Variants in NES observed in about 807,000 individuals in gnomAD.
The protein encoded by NES is nestin.
A neutral mutation model predicts 35.6 loss-of-function variants in NES; 27 were observed. The ratio of observed to expected loss-of-function variants is 0.76; its 90% confidence interval spans 0.56 to 1.04. NES has a LOEUF of 1.04. Ranked by LOEUF, NES falls within the 50% of genes least tolerant of loss-of-function variation. The probability of loss-of-function intolerance (pLI) is 0.00; values close to 1 mark genes in which losing one functional copy is unlikely to be tolerated. For missense variants in NES, 1,867 were observed against 1,983.6 expected, an observed-to-expected ratio of 0.94 and a Z score of 1.12; for synonymous variants, 822 against 824.2, an observed-to-expected ratio of 1.00 and a Z score of 0.04.
chr1:156,676,631 C>T lies in NES; in HGVS notation c.634G>A (p.Gly212Ser). ...TSLGQARERL[G>S]RAVQGAREGR... The stretch of plus-strand genomic sequence containing the variant: ...TCGCGGGCACCCTGCACCGCCCGGC[C>T]CAGCCGCTCGCGGGCCTGGCCCAGC... Residue 212 changes from glycine to serine, a missense_variant, in exon 1 of 4, where the codon GGC becomes AGC. By Grantham distance (56) the Gly-to-Ser change is moderately conservative. Transcript: ENST00000368223. The surrounding 1 kb of genome is among the most constrained non-coding windows in gnomAD (Gnocchi z 5.3). 2 of 1,537,954 alleles carry T rather than the reference C, an allele frequency of 1.3e-6. No homozygotes were observed. The highest frequency in any genetic ancestry group is 1.7e-6 in the Non-Finnish European group (2 of 1,155,056).
Position 156,671,924 on chromosome 1 carries a change from A to G in NES, c.2264T>C (p.Leu755Ser), listed in dbSNP as rs891445617. ...TTGAGTCTCTTTTTCAAGAGTTCTC[A>G]ATGTCTCTTGGTCCTGTTCTTCTAA... is the stretch of plus-strand genomic sequence containing the variant. The part of the protein sequence containing the change: ...RSLEEQDQET[L>S]RTLEKETQQR... Residue 755 changes from leucine (L) to serine (S), a missense_variant, in exon 4 of 4, where the codon TTG (leucine) becomes TCG (serine). Coordinates refer to ENST00000368223, the MANE Select transcript of NES (RefSeq NM_006617.2). 2 of 1,613,994 alleles carry G rather than the reference A, an allele frequency of 1.2e-6. No homozygotes were observed. Among genetic ancestry groups the G allele is most frequent in the Non-Finnish European group, 1.7e-6 (2 of 1,180,030 alleles).
In NES at chr1:156,669,928, C is replaced by T. The variant is rs779824568; in HGVS notation, c.4260G>A (p.Glu1420=). 1.2e-6 allele frequency: 2 copies of T among 1,613,310 alleles called. No homozygotes were observed. The highest frequency in any genetic ancestry group is 2.2e-5 in the East Asian group (1 of 44,832). The change falls in exon 4 of 4, where the codon GAG becomes GAA. Residue 1420 remains glutamate, a synonymous_variant. Transcript: ENST00000368223. The part of the protein sequence containing the change: ...DGFADEEESG[E]EGEEDQEEGR... ...CCTCCTCCTGATCCTCCTCTCCCTCCTCCCCACTTTCTTCCTCATCTGCAA... is the reference window on the plus strand; with the variant it reads ...CCTCCTCCTGATCCTCCTCTCCCTCTTCCCCACTTTCTTCCTCATCTGCAA...
Position 156,670,852 on chromosome 1 carries a change from G to A in NES, c.3336C>T (p.Gly1112=). The A allele has an allele frequency of 1.9e-6, 3 of 1,612,036 alleles. No individual in the cohort carries two copies. The highest frequency in any genetic ancestry group is 1.7e-4 in the Middle Eastern group (1 of 6,050). ...CCATCACCTCTTCCCTGGTCAGATG[G>A]CCTGGGTCCCCCAGCCCTCCCACCC... The part of the protein sequence containing the change: ...GQGVGGLGDP[G]HLTREEVMEP... Residue 1112 remains glycine (G), a synonymous_variant, in exon 4 of 4, where the codon GGC becomes GGT. Transcript: ENST00000368223.
At position 156,672,776 on chromosome 1, in the gene NES, C is replaced by A. The variant is rs140134053; in HGVS notation, c.1412G>T (p.Ser471Ile). The change falls in exon 4 of 4, where the codon AGC becomes ATC. Residue 471 changes from serine to isoleucine, a missense_variant. Physicochemically the swap from Ser to Ile is moderately radical, Grantham distance 142 (BLOSUM62 -2). Transcript: ENST00000368223. ...AGCCTCTAAACTGGAGTGGTCAGGG[C>A]TGAGGGGTGGTGCCAAGGAGGCATG... Reference protein sequence around the residue: ...EDHASLAPPLSPDHSSLEAKD... With the variant: ...EDHASLAPPLIPDHSSLEAKD... 371 of 1,613,524 alleles carry A rather than the reference C, an allele frequency of 2.3e-4. 1 individual carries two copies. The highest frequency in any genetic ancestry group is 2.0e-3 in the Middle Eastern group (12 of 6,062).
rs749896577 is a variant in NES, at chr1:156,670,330, G to A, written c.3858C>T (p.Ser1286=). 3.5e-5 allele frequency: 56 copies of A among 1,611,466 alleles called. No homozygotes were observed. The highest frequency in any genetic ancestry group is 4.5e-5 in the East Asian group (2 of 44,844). Residue 1286 remains serine, a synonymous_variant, in exon 4 of 4, where the codon AGC becomes AGT. Coordinates refer to ENST00000368223, the MANE Select transcript of NES (RefSeq NM_006617.2). ...GGGTCTCCCCGAGCTCATCCTCCTC[G>A]CTCTCTTCTCTGCTCTCCTCCCCTT... The part of the protein sequence containing the change: ...QEEGEESREE[S]EEDELGETLP...
At position 156,677,097 on chromosome 1, in the gene NES, G is replaced by C. The variant is rs1647323970; in HGVS notation, c.168C>G (p.Ala56=). 6.2e-7 allele frequency: 1 copy of C among 1,603,774 alleles called. No individual in the cohort carries two copies. The highest frequency in any genetic ancestry group is 8.5e-7 in the Non-Finnish European group (1 of 1,176,248). ...CCCGCAGGGCCGCCAGCTCGTCGTCGGCATGCGCCCGCCAGGAGGTGTCCG... is the reference window on the plus strand; with the variant it reads ...CCCGCAGGGCCGCCAGCTCGTCGTCCGCATGCGCCCGCCAGGAGGTGTCCG... The part of the protein sequence containing the change: ...QSADTSWRAH[A]DDELAALRAL... Residue 56 remains alanine, a synonymous_variant, in exon 1 of 4, where the codon GCC becomes GCG. Transcript: ENST00000368223. This position sits in a 1 kb window ranked among gnomAD's most constrained non-coding sequence, Gnocchi z 4.5.
In NES at chr1:156,671,310, C is replaced by A; in HGVS notation, c.2878G>T (p.Glu960Ter). The A allele has an allele frequency of 6.2e-7, 1 of 1,614,154 alleles. No individual in the cohort carries two copies. Among genetic ancestry groups the A allele is most frequent in the Non-Finnish European group, 8.5e-7 (1 of 1,180,032 alleles). Residue 960 changes from glutamate to a stop codon, truncating the protein, a stop_gained, in exon 4 of 4, where the codon GAA becomes TAA. Coordinates refer to ENST00000368223, the MANE Select transcript of NES (RefSeq NM_006617.2). LOFTEE classifies it low-confidence loss of function (END_TRUNC). ...CCAGGAGGGCTTTCCTGAGCCAGTT[C>A]TTGGTCCTTCTCCACCGTATCTTCC... ...RWEDTVEKDQ[E>*]LAQESPPGMA...
At position 156,672,984 on chromosome 1, in the gene NES, C is replaced by A. The variant is rs202103323; in HGVS notation, c.1204G>T (p.Asp402Tyr). The A allele has an allele frequency of 1.2e-6, 2 of 1,613,942 alleles. No homozygotes were observed. Among genetic ancestry groups the A allele is most frequent in the East Asian group, 4.5e-5 (2 of 44,866 alleles). Residue 402 changes from aspartate (D) to tyrosine (Y), a missense_variant, in exon 4 of 4, where the codon GAT (aspartate) becomes TAT (tyrosine). Asp to Tyr is a radical substitution (Grantham distance 160). Transcript: ENST00000368223. Reference sequence around the variant, plus strand: ...GCATCCTGGGCTCTGATCTCTGCATCTACAGCAGGAGAGGGTGCCTGAGGT... The same window carrying A: ...GCATCCTGGGCTCTGATCTCTGCATATACAGCAGGAGAGGGTGCCTGAGGT... Reference protein sequence around the residue: ...PTPQAPSPAVDAEIRAQDAPL... With the variant: ...PTPQAPSPAVYAEIRAQDAPL...
Position 156,671,174 on chromosome 1 carries a change from T to A in NES, c.3014A>T (p.Glu1005Val), listed in dbSNP as rs372398680. The change falls in exon 4 of 4, where the codon GAG becomes GTG. Residue 1005 changes from glutamate to valine, a missense_variant. Coordinates refer to ENST00000368223, the MANE Select transcript of NES (RefSeq NM_006617.2). ...GTGCCCCTCGCCTGGGATCCAGACC[T>A]CCTCTGTGGCATTCAGCTCTCCCTG... ...VEQGELNATE[E>V]VWIPGEGHPE... 81 of 1,613,826 alleles carry A rather than the reference T, an allele frequency of 5.0e-5. No individual in the cohort carries two copies. Among genetic ancestry groups the A allele is most frequent in the Non-Finnish European group, 6.2e-5 (73 of 1,180,008 alleles).
At position 156,670,602 on chromosome 1, in the gene NES, C is replaced by T; in HGVS notation, c.3586G>A (p.Gly1196Arg). The stretch of plus-strand genomic sequence containing the variant: ...GGCCAAGGTGAAGGGGCATCACTTC[C>T]AGTGTGGCCCAGGGTCTCAGCAGGG... Reference protein sequence around the residue: ...AFPAETLGHTGSDAPSPWPLG... With the variant: ...AFPAETLGHTRSDAPSPWPLG... The change falls in exon 4 of 4, where the codon GGA (glycine) becomes AGA (arginine). Residue 1196 changes from glycine to arginine, a missense_variant. Coordinates refer to ENST00000368223, the MANE Select transcript of NES (RefSeq NM_006617.2). 1 of 1,613,770 alleles carries T rather than the reference C, an allele frequency of 6.2e-7. No individual in the cohort carries two copies. Among genetic ancestry groups the T allele is most frequent in the South Asian group, 1.1e-5 (1 of 91,078 alleles).
chr1:156,671,661 G>C lies in NES; in HGVS notation c.2527C>G (p.Pro843Ala). 6.2e-7 allele frequency: 1 copy of C among 1,613,652 alleles called. No individual in the cohort carries two copies. Among genetic ancestry groups the C allele is most frequent in the Non-Finnish European group, 8.5e-7 (1 of 1,179,934 alleles). Residue 843 changes from proline (P) to alanine (A), a missense_variant, in exon 4 of 4, where the codon CCA becomes GCA. Coordinates refer to ENST00000368223, the MANE Select transcript of NES (RefSeq NM_006617.2). ...GQENLETLKS[P>A]ETQAPLWTPE... ...GTCCACAGTGGTGCTTGAGTTTCTG[G>C]AGATTTCAGTGTTTCCAGGTTCTCT...
In NES at chr1:156,671,327, G is replaced by A. The variant is rs143719737; in HGVS notation, c.2861C>T (p.Thr954Met). Residue 954 changes from threonine to methionine, a missense_variant, in exon 4 of 4, where the codon ACG (threonine) becomes ATG (methionine). Coordinates refer to ENST00000368223, the MANE Select transcript of NES (RefSeq NM_006617.2). ...QSADVQRWED[T>M]VEKDQELAQE... ...AGCCAGTTCTTGGTCCTTCTCCACC[G>A]TATCTTCCCACCTCTGCACATCTGC... 240 of 1,613,990 alleles carry A rather than the reference G, an allele frequency of 1.5e-4. 1 individual carries two copies. The African/African-American group carries it at 2.7e-3, about 18-fold the overall frequency.
Position 156,670,407 on chromosome 1 carries a change from T to C in NES, c.3781A>G (p.Ser1261Gly), listed in dbSNP as rs1456291621. Residue 1261 changes from serine (S) to glycine (G), a missense_variant, in exon 4 of 4, where the codon AGC (serine) becomes GGC (glycine). Ser to Gly is a moderately conservative substitution (Grantham distance 56). Transcript: ENST00000368223. ...CCAGAACCCAACTCCTCCTGCTCGC[T>C]CTCTACTTTCCCCAGGGCTTCAGCC... ...GRAEALGKVE[S>G]EQEELGSGEI... 1 of 1,577,012 alleles carries C rather than the reference T, an allele frequency of 6.3e-7. No individual in the cohort carries two copies. The highest frequency in any genetic ancestry group is 2.2e-5 in the East Asian group (1 of 44,532).
chr1:156,669,868 C>T lies in NES; in HGVS notation c.4320G>A (p.Gly1440=), dbSNP rs745630113. 1.9e-6 allele frequency: 3 copies of T among 1,613,786 alleles called. No individual in the cohort carries two copies. The highest frequency in any genetic ancestry group is 1.1e-5 in the South Asian group (1 of 91,062). Residue 1440 remains glycine (G), a synonymous_variant, in exon 4 of 4, where the codon GGG becomes GGA. Transcript: ENST00000368223. ...REPGAGRWGP[G]SSVGSLQALS... ...GGGCCTGGAGGCTGCCAACAGAAGA[C>T]CCTGGCCCCCACCGCCCAGCCCCTG... is the stretch of plus-strand genomic sequence containing the variant.
Position 156,676,144 on chromosome 1 carries a change from G to A in NES, c.783+338C>T, listed in dbSNP as rs1193732247. Among the ~76,000 whole-genome samples the A allele has an allele frequency of 2.0e-5, 3 of 152,244 alleles. No homozygotes were observed. The highest frequency in any genetic ancestry group is 4.4e-5 in the Non-Finnish European group (3 of 68,030). On this transcript the variant is annotated intron_variant, in intron 1 of 3. Transcript: ENST00000368223. The surrounding 1 kb of genome is among the most constrained non-coding windows in gnomAD (Gnocchi z 5.3). ...CCAGATTCAGCGCAGAGGCGACAGT[G>A]CTGGGTGTCCTCCTAGTAATACCAG...
chr1:156,674,799 G>A (rs948933118), intron 2 of NES, among the ~76,000 whole-genome samples: 3 of 152,216 alleles, frequency 2.0e-5, no homozygotes, highest in African/African-American at 7.2e-5. Context: ...CAGGTCAGGT[G>A]GCAAGTCAGT....
chr1:156,672,680 C>G lies in NES; in HGVS notation c.1508G>C (p.Gly503Ala). 6.2e-7 allele frequency: 1 copy of G among 1,613,862 alleles called. No homozygotes were observed. The highest frequency in any genetic ancestry group is 8.5e-7 in the Non-Finnish European group (1 of 1,180,046). The change falls in exon 4 of 4, where the codon GGG becomes GCG. Residue 503 changes from glycine (G) to alanine (A), a missense_variant. Coordinates refer to ENST00000368223, the MANE Select transcript of NES (RefSeq NM_006617.2). ...CRGEGEGQIW[G>A]LVEKETAIEG... The stretch of plus-strand genomic sequence containing the variant: ...TATGGCTGTTTCTTTCTCTACCAAC[C>G]CCCAGATTTGCCCTTCACCTTCCCC...
In NES at chr1:156,676,528, A is replaced by C; in HGVS notation, c.737T>G (p.Leu246Trp). 1 of 1,596,648 alleles carries C rather than the reference A, an allele frequency of 6.3e-7. No individual in the cohort carries two copies. The highest frequency in any genetic ancestry group is 8.5e-7 in the Non-Finnish European group (1 of 1,178,892). Residue 246 changes from leucine (L) to tryptophan (W), a missense_variant, in exon 1 of 4, where the codon TTG becomes TGG. Coordinates refer to ENST00000368223, the MANE Select transcript of NES (RefSeq NM_006617.2). This position sits in a 1 kb window ranked among gnomAD's most constrained non-coding sequence, Gnocchi z 5.3. ...LERRAALEQR[L>W]EGRWQERLRA... ...CAGCCGCTCCTGCCAGCGGCCCTCC[A>C]ACCTCTGTTCCAACGCTGCCCTGCG... is the stretch of plus-strand genomic sequence containing the variant.
In NES at chr1:156,671,202, C is replaced by G. The variant is rs982146389; in HGVS notation, c.2986G>C (p.Glu996Gln). 43 of 1,614,038 alleles carry G rather than the reference C, an allele frequency of 2.7e-5. No individual in the cohort carries two copies. Among genetic ancestry groups the G allele is most frequent in the Non-Finnish European group, 3.5e-5 (41 of 1,180,054 alleles). The change falls in exon 4 of 4, where the codon GAG becomes CAG. Residue 996 changes from glutamate (E) to glutamine (Q), a missense_variant. By Grantham distance (29) the Glu-to-Gln change is conservative. Coordinates refer to ENST00000368223, the MANE Select transcript of NES (RefSeq NM_006617.2). ...TCTGTGGCATTCAGCTCTCCCTGCTCTACCACCTCCTCCTTCCCAGTGAAG... is the reference window on the plus strand; with the variant it reads ...TCTGTGGCATTCAGCTCTCCCTGCTGTACCACCTCCTCCTTCCCAGTGAAG... ...DGFTGKEEVV[E>Q]QGELNATEEV...
Sources: allele counts gnomAD v4.1 joint callset (sites outside exome capture counted in the v4.1 genomes callset), GRCh38; gene constraint gnomAD v4.1.1; non-coding constraint Gnocchi (gnomAD v3.1); transcripts MANE v1.5; gene names NCBI Gene and HGNC (gene_info 2026-07-23, HGNC 2026-07-21).